Variants in SLC39A11 observed in about 807,000 individuals in gnomAD.
SLC39A11 encodes zinc transporter ZIP11.
In SLC39A11, 33 loss-of-function variants were observed where a neutral mutation model predicts 36.1. The observed-to-expected ratio is 0.91, with a 90% CI of 0.69 to 1.22. The LOEUF (loss-of-function observed/expected upper bound fraction) is 1.22. Among genes scored for constraint, SLC39A11 ranks in the 50% most tolerant of loss-of-function variants. The probability of loss-of-function intolerance (pLI) is 0.00; values close to 1 mark genes in which losing one functional copy is unlikely to be tolerated. For missense variants in SLC39A11, 432 were observed against 430.3 expected (o/e 1.00, Z -0.03); for synonymous variants, 166 against 170.3 (o/e 0.97, Z 0.20).
chr17:72,911,733 T>A (rs67947981), intron 5 of SLC39A11, among the ~76,000 whole-genome samples: 3 of 151,726 alleles, frequency 2.0e-5, no homozygotes, highest in Non-Finnish European at 4.4e-5. Flanking sequence ...AACCTCTGCC[T>A]CCCGGGTTCA....
intron 7 of SLC39A11, among the ~76,000 whole-genome samples, chr17:72,693,426 C>G (rs1451040709): frequency 6.6e-6 from 1 of 152,238 alleles, no homozygotes; most frequent in Non-Finnish European, 1.5e-5. Flanking sequence ...TTTAAACAGG[C>G]AGCTGCCTTG....
chr17:72,995,131 G>A (rs543042032), intron 4 of SLC39A11, among the ~76,000 whole-genome samples: 1 of 152,280 alleles, frequency 6.6e-6, no homozygotes, highest in East Asian at 1.9e-4. Context: ...ATGGCAGGTT[G>A]AATGACTGGC....
intron 3 of SLC39A11, among the ~76,000 whole-genome samples, chr17:73,056,381 C>G (rs1292957154): frequency 6.6e-6 from 1 of 152,170 alleles, no homozygotes; most frequent in Non-Finnish European, 1.5e-5. Context: ...GTTGGCCAGG[C>G]TGGTCTGGAA....
chr17:73,005,635 G>A (rs1320123893), intron 4 of SLC39A11, among the ~76,000 whole-genome samples: 5 of 152,270 alleles, frequency 3.3e-5, no homozygotes, highest in South Asian at 2.1e-4. Context: ...ATCTCAACAC[G>A]TGAGTCTGTG....
intron 4 of SLC39A11, among the ~76,000 whole-genome samples, chr17:73,019,626 T>TTTTTTTTTTTTTTTTTTTTTGAG (rs2058277212): frequency 6.6e-6 from 1 of 152,160 alleles, no homozygotes; most frequent in African/African-American, 2.4e-5. Flanking sequence ...GATACATTTT[T>TTTTTTTTTTTTTTTTTTTTTGAG]AAATCCAGTA....
chr17:72,785,957 G>GT (rs1020751567), intron 6 of SLC39A11, among the ~76,000 whole-genome samples: 2 of 146,498 alleles, frequency 1.4e-5, no homozygotes, highest in African/African-American at 5.3e-5. Context: ...AATTTGATTG[G>GT]CCAAGCCCAC....
At chr17:72,855,047 TG>T (rs1350191836) in intron 5 of SLC39A11, among the ~76,000 whole-genome samples, 24 of 152,222 alleles carry the variant, frequency 1.6e-4, no homozygotes, top group Non-Finnish European at 3.2e-4. Context: ...GCTTCCTCCC[TG>T]CAGAGTGGAA....
chr17:72,699,919 G>A (rs1374742158), intron 7 of SLC39A11, among the ~76,000 whole-genome samples: 1 of 152,088 alleles, frequency 6.6e-6, no homozygotes, highest in Admixed American at 6.6e-5. Flanking sequence ...AGCATCTGGG[G>A]TTTGGTAGAG....
intron 6 of SLC39A11, among the ~76,000 whole-genome samples, chr17:72,768,648 T>A (rs974510656): frequency 6.6e-6 from 1 of 152,218 alleles, no homozygotes; most frequent in Non-Finnish European, 1.5e-5. Flanking sequence ...CATATGTGAC[T>A]GGCATATGGC....
At chr17:72,992,875 G>A (rs1241280724) in intron 4 of SLC39A11, 1 of 152,280 alleles carries the variant, frequency 6.6e-6, no homozygotes, top group African/African-American at 2.4e-5. Flanking sequence ...AGAAAAAAGA[G>A]GTTTAATGGA....
chr17:72,894,383 A>G (rs1025778247), intron 5 of SLC39A11, among the ~76,000 whole-genome samples: 2 of 147,700 alleles, frequency 1.4e-5, no homozygotes, highest in African/African-American at 5.0e-5. Context: ...AAAAAAAAAA[A>G]AAAAGGCCAG....
intron 5 of SLC39A11, among the ~76,000 whole-genome samples, chr17:72,879,186 T>C (rs1476764403): frequency 6.6e-6 from 1 of 152,142 alleles, no homozygotes; most frequent in Non-Finnish European, 1.5e-5. Flanking sequence ...GCCCTTTGGG[T>C]TTTTTATGGA....
intron 7 of SLC39A11, among the ~76,000 whole-genome samples, chr17:72,733,912 C>T (rs1237626910): frequency 1.3e-5 from 2 of 152,120 alleles, no homozygotes; most frequent in African/African-American, 4.8e-5. Context: ...GATGCTGGTT[C>T]GAAAGCCCCA....
At chr17:72,764,494 T>C (rs1273413759) in intron 6 of SLC39A11, among the ~76,000 whole-genome samples, 1 of 152,076 alleles carries the variant, frequency 6.6e-6, no homozygotes, top group African/African-American at 2.4e-5. Context: ...GGGCACTGGG[T>C]CCTTAGGGGG....
At chr17:72,736,077 G>C (rs1332661598) in intron 7 of SLC39A11, among the ~76,000 whole-genome samples, 1 of 152,106 alleles carries the variant, frequency 6.6e-6, no homozygotes, top group African/African-American at 2.4e-5. Flanking sequence ...GCTTGACTTG[G>C]GTATCATCAG....
intron 6 of SLC39A11, among the ~76,000 whole-genome samples, chr17:72,747,501 G>T (rs989674249): frequency 2.0e-5 from 3 of 152,338 alleles, no homozygotes; most frequent in African/African-American, 7.2e-5. Flanking sequence ...TGTCTGGGAA[G>T]TGTCACTAAA....
At chr17:72,695,502 C>G (rs990210433) in intron 7 of SLC39A11, among the ~76,000 whole-genome samples, 7 of 152,242 alleles carry the variant, frequency 4.6e-5, no homozygotes, top group Non-Finnish European at 4.4e-5. Context: ...TGGCCATAGA[C>G]TGAAAACTTC....
chr17:72,682,998 T>G (rs2071570764), intron 7 of SLC39A11, among the ~76,000 whole-genome samples: 1 of 152,202 alleles, frequency 6.6e-6, no homozygotes, highest in Non-Finnish European at 1.5e-5. Context: ...CACTTGCACC[T>G]CTTTTGAGTC....
intron 6 of SLC39A11, among the ~76,000 whole-genome samples, chr17:72,814,790 G>A (rs905109681): frequency 3.3e-5 from 5 of 152,216 alleles, no homozygotes; most frequent in African/African-American, 1.2e-4. Flanking sequence ...CCATCCCTGT[G>A]TATATTTCCA....
Sources: allele counts gnomAD v4.1 joint callset (sites outside exome capture counted in the v4.1 genomes callset), GRCh38; gene constraint gnomAD v4.1.1; transcripts MANE v1.5; gene names NCBI Gene and HGNC (gene_info 2026-07-23, HGNC 2026-07-21).